Variants in CCDC3 observed in about 807,000 individuals in gnomAD.
CCDC3 encodes coiled-coil domain containing 3.
In CCDC3, 24 loss-of-function variants were observed where a neutral mutation model predicts 21.4. The ratio of observed to expected loss-of-function variants is 1.12; its 90% CI spans 0.81 to 1.58. The LOEUF (loss-of-function observed/expected upper bound fraction) is 1.58, where lower values mean the gene tolerates loss of function less well. CCDC3 is among the 40% of genes most tolerant of loss of function. The probability of loss-of-function intolerance (pLI) is 0.00; values close to 1 mark genes in which losing one functional copy is unlikely to be tolerated. For synonymous variants in CCDC3, 186 were observed against 166.0 expected, an observed-to-expected ratio of 1.12 and a Z score of -0.93; for missense variants, 425 against 360.9, an observed-to-expected ratio of 1.18 and a Z score of -1.44.
At chr10:12,936,460 G>GGTGATCC (rs1451217114) in intron 2 of CCDC3, among the ~76,000 whole-genome samples, 1 of 151,984 alleles carries the variant, frequency 6.6e-6, no homozygotes, top group Non-Finnish European at 1.5e-5. Context: ...CCTGGGCTTG[G>GGTGATCC]GTGATCCTCC....
At chr10:13,023,397 C>T (rs960732871) in intron 5 of CCDC3, among the ~76,000 whole-genome samples, 1 of 152,104 alleles carries the variant, frequency 6.6e-6, no homozygotes, top group Non-Finnish European at 1.5e-5. Context: ...TGGCCATTGA[C>T]TGGGGGCTTA....
intron 4 of CCDC3, among the ~76,000 whole-genome samples, chr10:13,070,596 A>T (rs1368322283): frequency 6.6e-6 from 1 of 152,180 alleles, no homozygotes; most frequent in Non-Finnish European, 1.5e-5. Flanking sequence ...ATATCTCTTG[A>T]AACCTCAAGA....
intron 5 of CCDC3, chr10:13,049,589 A>C (rs1014875638): frequency 2.0e-5 from 3 of 152,218 alleles, no homozygotes; most frequent in African/African-American, 7.2e-5. Context: ...TTTCAAAACA[A>C]CTAGAGATTT....
chr10:13,067,082 C>A (rs1440629329), intron 4 of CCDC3, among the ~76,000 whole-genome samples: 2 of 152,126 alleles, frequency 1.3e-5, no homozygotes, highest in Non-Finnish European at 2.9e-5. Flanking sequence ...CGCTTCCAAG[C>A]CTTTTTGTCC....
At chr10:12,920,207 G>A (rs951636635) in intron 2 of CCDC3, among the ~76,000 whole-genome samples, 3 of 152,142 alleles carry the variant, frequency 2.0e-5, no homozygotes, top group Admixed American at 6.5e-5. Flanking sequence ...CGGCAGGCAC[G>A]AGAGAATGAG....
chr10:12,983,333 G>A (rs1179774577), intron 2 of CCDC3, among the ~76,000 whole-genome samples: 1 of 151,314 alleles, frequency 6.6e-6, no homozygotes, highest in African/African-American at 2.4e-5. Flanking sequence ...AGCACTTTGG[G>A]AAGCTGAGGC....
intron 3 of CCDC3, among the ~76,000 whole-genome samples, chr10:13,076,138 T>C (rs1172734418): frequency 1.3e-5 from 2 of 152,174 alleles, no homozygotes; most frequent in African/African-American, 4.8e-5. Context: ...GAGGCAGGTC[T>C]CGATGGCTAA....
intron 2 of CCDC3, among the ~76,000 whole-genome samples, chr10:12,917,673 A>T (rs1009910488): frequency 6.6e-6 from 1 of 152,142 alleles, no homozygotes; most frequent in Non-Finnish European, 1.5e-5. Flanking sequence ...CTTGGAACAC[A>T]GTGTCTTTTA....
At chr10:12,909,419 C>G (rs775271486) in intron 2 of CCDC3, among the ~76,000 whole-genome samples, 1 of 152,284 alleles carries the variant, frequency 6.6e-6, no homozygotes, top group Admixed American at 6.5e-5. Flanking sequence ...GTGGGGCACC[C>G]GGGGGCCATG....
chr10:12,990,549 T>C (rs1835665806), intron 2 of CCDC3, among the ~76,000 whole-genome samples: 1 of 152,224 alleles, frequency 6.6e-6, no homozygotes, highest in East Asian at 1.9e-4. Flanking sequence ...AGTAAGCTTG[T>C]CACTTCAAAG....
At chr10:12,994,418 A>C (rs11258114) in intron 2 of CCDC3, among the ~76,000 whole-genome samples, 3,934 of 87,308 alleles carry the variant, frequency 0.045, 130 homozygotes, top group East Asian at 0.18. Context: ...CAAAACAAAA[A>C]AAAAAAACAC....
intron 3 of CCDC3, among the ~76,000 whole-genome samples, chr10:13,097,081 G>A (rs971805208): frequency 5.9e-5 from 9 of 152,196 alleles, no homozygotes; most frequent in African/African-American, 2.2e-4. Context: ...GAGGAGATTG[G>A]GGTGGAAAGG....
chr10:12,937,596 G>A (rs1387623875), intron 2 of CCDC3, among the ~76,000 whole-genome samples: 1 of 152,030 alleles, frequency 6.6e-6, no homozygotes, highest in East Asian at 1.9e-4. Context: ...CCAAAATGTT[G>A]GGATTGAAAA....
intron 2 of CCDC3, among the ~76,000 whole-genome samples, chr10:12,923,362 C>T (rs1033627991): frequency 6.6e-6 from 1 of 152,184 alleles, no homozygotes; most frequent in Admixed American, 6.5e-5. Flanking sequence ...CTCTGAAATA[C>T]TCGTTATTCC....
intron 5 of CCDC3, among the ~76,000 whole-genome samples, chr10:13,024,167 C>A (rs1836185783): frequency 6.6e-6 from 1 of 152,102 alleles, no homozygotes. Flanking sequence ...CTTACTTCCT[C>A]CCCATAGAAG....
rs889522411 is a variant in CCDC3 at position 13,001,232 on chromosome 10, G to A, written c.339C>T (p.Thr113=). ...AGAAATAGGAGTAGTCCTGGACCACGGTGTGGGAGTGGCACGAGAAGTAGC... is the reference window on the plus strand; with the variant it reads ...AGAAATAGGAGTAGTCCTGGACCACAGTGTGGGAGTGGCACGAGAAGTAGC... ...GLGYFSCHSH[T]VVQDYSYFFF... The change falls in exon 1 of 3, where the codon ACC becomes ACT. Residue 113 remains threonine (T), a synonymous_variant. Transcript: ENST00000378825. The A allele has an allele frequency of 4.0e-5, 63 of 1,576,746 alleles. No homozygotes were observed. The highest frequency in any genetic ancestry group is 5.4e-5 in the Non-Finnish European group (63 of 1,161,746).
At chr10:12,966,633 C>T (rs566178697) in intron 2 of CCDC3, among the ~76,000 whole-genome samples, 50 of 152,130 alleles carry the variant, frequency 3.3e-4, no homozygotes, top group African/African-American at 6.0e-4. Flanking sequence ...TTTTCCAAAG[C>T]GACCTGTGCC....
chr10:12,992,501 G>A (rs1011619342), intron 2 of CCDC3, among the ~76,000 whole-genome samples: 10 of 152,086 alleles, frequency 6.6e-5, no homozygotes, highest in Admixed American at 1.3e-4. Flanking sequence ...AATGGCATTC[G>A]CAGAGATCCG....
At chr10:12,919,987 C>T (rs148978816) in intron 2 of CCDC3, among the ~76,000 whole-genome samples, 1 of 151,800 alleles carries the variant, frequency 6.6e-6, no homozygotes, top group Non-Finnish European at 1.5e-5. Flanking sequence ...CTAGTGGGCC[C>T]GGAAGGGTTC....
Sources: gnomAD v4.1 joint callset for allele counts (sites outside exome capture counted in the v4.1 genomes callset) on GRCh38, gnomAD v4.1.1 for gene constraint, MANE v1.5 for transcripts, NCBI Gene and HGNC (gene_info 2026-07-23, HGNC 2026-07-21) for gene names.